Variants in RAB6B observed in about 807,000 individuals in gnomAD.
RAB6B encodes the protein RAB6B, member RAS oncogene family.
A neutral mutation model predicts 31.2 loss-of-function variants in RAB6B; 7 were observed. That is an observed-to-expected ratio of 0.22 (90% confidence interval 0.13 to 0.42). RAB6B has a LOEUF of 0.42. Ranked by LOEUF, RAB6B falls within the 10% of genes least tolerant of loss-of-function variation. The pLI, the probability that RAB6B is intolerant of heterozygous loss-of-function variation, is 1.00. For missense variants in RAB6B, 149 were observed against 280.6 expected (o/e 0.53, Z 3.35); for synonymous variants, 105 against 104.9 (o/e 1.00, Z -0.01).
intron 1 of RAB6B, among the ~76,000 whole-genome samples, chr3:133,882,242 T>G (rs1936477787): frequency 6.6e-6 from 1 of 152,210 alleles, no homozygotes; most frequent in Non-Finnish European, 1.5e-5. Flanking sequence ...AAGAGGAGTC[T>G]CATAAAGAAA....
chr3:133,853,571 G>A (rs926844680), intron 2 of RAB6B, among the ~76,000 whole-genome samples: 12 of 152,064 alleles, frequency 7.9e-5, no homozygotes, highest in African/African-American at 2.7e-4. Context: ...CCATGCAGCT[G>A]GCAGAGTGCC....
intron 2 of RAB6B, among the ~76,000 whole-genome samples, chr3:133,862,737 T>C (rs1025305812): frequency 6.6e-6 from 1 of 152,028 alleles, no homozygotes; most frequent in South Asian, 2.1e-4. Flanking sequence ...TTTGAGGAAC[T>C]TGAATGACAT....
intron 1 of RAB6B, among the ~76,000 whole-genome samples, chr3:133,867,161 G>A (rs1169375061): frequency 3.9e-5 from 6 of 152,232 alleles, no homozygotes; most frequent in Admixed American, 3.9e-4. Flanking sequence ...GGTCTAGGGG[G>A]CAGGAAAACA....
chr3:133,888,496 T>C (rs1416658278), intron 1 of RAB6B, among the ~76,000 whole-genome samples: 2 of 152,216 alleles, frequency 1.3e-5, no homozygotes, highest in African/African-American at 4.8e-5. Flanking sequence ...TCCTCAGGAC[T>C]TGGGCCTGTC....
intron 2 of RAB6B, among the ~76,000 whole-genome samples, chr3:133,849,793 G>C (rs538079977): frequency 2.0e-5 from 3 of 152,252 alleles, no homozygotes; most frequent in Admixed American, 2.0e-4. Flanking sequence ...TAATAGTTCA[G>C]CAGAGCCCAC....
Position 133,895,763 on chromosome 3 carries a change from G to A in RAB6B, c.-297C>T, listed in dbSNP as rs112101128. The A allele has an allele frequency of 0.013, 5,187 of 400,872 alleles. 41 individuals carry two copies. Among genetic ancestry groups the A allele is most frequent in the Middle Eastern group, 0.017 (26 of 1,534 alleles). The allele number at this position is 400,872 out of a possible 1,614,324, so 24.8% of individuals were successfully genotyped here. Reference sequence around the variant, plus strand: ...CTCTTTACGCCCGAGGCGCGGCGCTGGGAGAGAGGCGCGGGCGGAGCGGGG... The same window carrying A: ...CTCTTTACGCCCGAGGCGCGGCGCTAGGAGAGAGGCGCGGGCGGAGCGGGG... On this transcript the variant is annotated 5_prime_UTR_variant, in exon 1 of 8. Coordinates refer to ENST00000285208, the MANE Select transcript of RAB6B (RefSeq NM_016577.4).
At chr3:133,829,967 A>C (rs985382381) in intron 7 of RAB6B, among the ~76,000 whole-genome samples, 1 of 152,004 alleles carries the variant, frequency 6.6e-6, no homozygotes, top group African/African-American at 2.4e-5. Context: ...GTGTGTATGT[A>C]TATGTATCTT....
chr3:133,865,605 T>C (rs1033845546), intron 1 of RAB6B, among the ~76,000 whole-genome samples: 4 of 152,238 alleles, frequency 2.6e-5, no homozygotes, highest in Non-Finnish European at 5.9e-5. Flanking sequence ...CAGTGGGGAA[T>C]CTGCCCAGCT....
At chr3:133,892,235 T>C (rs928955291) in intron 1 of RAB6B, among the ~76,000 whole-genome samples, 1 of 152,152 alleles carries the variant, frequency 6.6e-6, no homozygotes, top group Admixed American at 6.5e-5. Flanking sequence ...GAGAGCCATC[T>C]GGCACCAGGG....
At chr3:133,874,292 A>G (rs916209047) in intron 1 of RAB6B, among the ~76,000 whole-genome samples, 3 of 152,252 alleles carry the variant, frequency 2.0e-5, no homozygotes, top group Non-Finnish European at 2.9e-5. Flanking sequence ...TGCAAACATC[A>G]TAAAGTATGC....
intron 2 of RAB6B, among the ~76,000 whole-genome samples, chr3:133,855,954 C>T (rs573673412): frequency 1.6e-4 from 24 of 152,174 alleles, no homozygotes; most frequent in South Asian, 4.1e-4. Context: ...TCTGCTGGAG[C>T]GGGGAGGAAC....
rs77330454 is a variant in RAB6B at position 133,891,988 on chromosome 3, C to A, written c.70+3409G>T. The stretch of plus-strand genomic sequence containing the variant: ...GAAGACAGTGCACAGCAGACGCATC[C>A]CTGACCCTTCCCACCACACACACTG... On this transcript the variant is annotated intron_variant, in intron 1 of 7. Coordinates refer to ENST00000285208, the MANE Select transcript of RAB6B (RefSeq NM_016577.4). Among the ~76,000 whole-genome samples the A allele has an allele frequency of 1.5e-3, 226 of 152,300 alleles. 1 individual carries two copies. The highest frequency in any genetic ancestry group is 5.2e-3 in the African/African-American group (218 of 41,564).
intron 1 of RAB6B, chr3:133,894,619 C>T (rs148779952): frequency 0.011 from 1,640 of 152,360 alleles, 15 homozygotes; most frequent in Non-Finnish European, 0.016. Context: ...GACTTCACAG[C>T]CTCTCGGTGT....
intron 1 of RAB6B, among the ~76,000 whole-genome samples, chr3:133,893,598 A>C (rs1293342927): frequency 6.6e-6 from 1 of 152,220 alleles, no homozygotes; most frequent in Non-Finnish European, 1.5e-5. Flanking sequence ...CTTAGAACAA[A>C]TGTTTGCTGA....
At position 133,869,024 on chromosome 3, in the gene RAB6B, C is replaced by T. The variant is rs114198274; in HGVS notation, c.71-4382G>A. 6.9e-3 allele frequency among the ~76,000 whole-genome samples: 1,057 copies of T among 152,148 alleles called. 11 individuals are homozygous for T. Among genetic ancestry groups the T allele is most frequent in the African/African-American group, 0.024 (992 of 41,506 alleles). On this transcript the variant is annotated intron_variant, in intron 1 of 7. Transcript: ENST00000285208. The stretch of plus-strand genomic sequence containing the variant: ...TCTGACAGTAGCAAAGCGGCAGATC[C>T]CAAAGGCAGGGGTGCAGGTGGCCGG...
At chr3:133,873,303 G>T (rs562450066) in intron 1 of RAB6B, among the ~76,000 whole-genome samples, 1 of 152,326 alleles carries the variant, frequency 6.6e-6, no homozygotes, top group Admixed American at 6.5e-5. Context: ...CTCTGTGGTT[G>T]CTGGGGACAT....
At chr3:133,893,822 G>A (rs890270849) in intron 1 of RAB6B, among the ~76,000 whole-genome samples, 1 of 152,140 alleles carries the variant, frequency 6.6e-6, no homozygotes, top group African/African-American at 2.4e-5. Context: ...GACTAGCACT[G>A]GGATGTGAAT....
intron 6 of RAB6B, among the ~76,000 whole-genome samples, chr3:133,837,009 AGCAAT>A (rs1232495462): frequency 6.6e-6 from 1 of 152,168 alleles, no homozygotes; most frequent in East Asian, 1.9e-4. Context: ...AAGGGTTCCC[AGCAAT>A]GCTGGGGTGG....
At chr3:133,885,518 T>A (rs114894263) in intron 1 of RAB6B, 1 of 702,134 alleles carries the variant, frequency 1.4e-6, no homozygotes, top group Non-Finnish European at 2.6e-6. Flanking sequence ...GACCAGAGGA[T>A]AGGGGAGCTC....
Sources: allele counts gnomAD v4.1 joint callset (sites outside exome capture counted in the v4.1 genomes callset), GRCh38; gene constraint gnomAD v4.1.1; transcripts MANE v1.5; gene names NCBI Gene and HGNC (gene_info 2026-07-23, HGNC 2026-07-21).